CERS6: variants seen among roughly 807,000 people sequenced by gnomAD.
The protein encoded by CERS6 is ceramide synthase 6.
In CERS6, 26 loss-of-function variants were observed where a neutral mutation model predicts 56.8. That is an observed-to-expected ratio of 0.46 (90% confidence interval 0.34 to 0.63). The LOEUF is 0.63. Among genes scored for constraint, CERS6 ranks in the 30% least tolerant of loss-of-function variants. The pLI is 0.01. For missense variants in CERS6, 415 were observed against 467.5 expected (o/e 0.89, Z 1.04); for synonymous variants, 164 against 173.3 (o/e 0.95, Z 0.42).
At chr2:168,533,725 T>G (rs1438781573) in intron 1 of CERS6, among the ~76,000 whole-genome samples, 1 of 152,148 alleles carries the variant, frequency 6.6e-6, no homozygotes, top group Non-Finnish European at 1.5e-5. Context: ...ATCTTAGTGG[T>G]GTTCTCTGTA....
chr2:168,495,917 C>G (rs1694458717), intron 1 of CERS6, among the ~76,000 whole-genome samples: 1 of 152,182 alleles, frequency 6.6e-6, no homozygotes, highest in Non-Finnish European at 1.5e-5. Flanking sequence ...AAACTTAAGT[C>G]TCCATCCCCA....
intron 4 of CERS6, among the ~76,000 whole-genome samples, chr2:168,660,518 CTCTGTAAG>C (rs1685602491): frequency 6.6e-6 from 1 of 152,040 alleles, no homozygotes; most frequent in Non-Finnish European, 1.5e-5. Flanking sequence ...CTCTTCTAAA[CTCTGTAAG>C]AAATACAGAA....
chr2:168,635,650 T>C (rs1341178804), intron 4 of CERS6, among the ~76,000 whole-genome samples: 1 of 152,166 alleles, frequency 6.6e-6, no homozygotes. Context: ...TAAATCTTAT[T>C]ATAACCTATT....
At chr2:168,477,117 C>CTT (rs78491165) in intron 1 of CERS6, among the ~76,000 whole-genome samples, 8,034 of 145,646 alleles carry the variant, frequency 0.055, 327 homozygotes, top group East Asian at 0.18. Context: ...GGCTCTTTGT[C>CTT]TTTTTTTTTG....
intron 6 of CERS6, among the ~76,000 whole-genome samples, chr2:168,695,710 T>G (rs1238451616): frequency 1.3e-5 from 2 of 152,188 alleles, no homozygotes; most frequent in Non-Finnish European, 2.9e-5. Context: ...TCTACATATT[T>G]GGGTGCAACA....
chr2:168,714,741 A>G (rs536031451), intron 6 of CERS6, among the ~76,000 whole-genome samples: 22 of 152,298 alleles, frequency 1.4e-4, no homozygotes, highest in African/African-American at 5.1e-4. Flanking sequence ...AGAAGTCACC[A>G]TCTATGAACA....
intron 3 of CERS6, among the ~76,000 whole-genome samples, chr2:168,624,000 C>T (rs1559025112): frequency 6.6e-6 from 1 of 152,116 alleles, no homozygotes. Flanking sequence ...CTGTTAAGAA[C>T]AATGTCTGCT....
intron 3 of CERS6, among the ~76,000 whole-genome samples, chr2:168,628,658 T>C (rs967535291): frequency 6.6e-6 from 1 of 152,164 alleles, no homozygotes; most frequent in Admixed American, 6.5e-5. Context: ...ACGTAATCAT[T>C]TGTGGTAAAG....
intron 4 of CERS6, among the ~76,000 whole-genome samples, chr2:168,633,522 A>G (rs1684796885): frequency 6.6e-6 from 1 of 152,282 alleles, no homozygotes; most frequent in Non-Finnish European, 1.5e-5. Context: ...AGCTCTCTCC[A>G]GTTGGCAAGC....
rs148213020 is a variant in CERS6 at position 168,617,103 on chromosome 2, G to A, written c.408-13882G>A. ...AACCTTCAAAACCATGCAAATACATGGATATTAAATAACCTGCTCCTGAAT... is the reference window on the plus strand; with the variant it reads ...AACCTTCAAAACCATGCAAATACATAGATATTAAATAACCTGCTCCTGAAT... On this transcript the variant is annotated intron_variant, in intron 3 of 9. Transcript: ENST00000305747. Among the ~76,000 whole-genome samples, 766 of 152,192 alleles carry A rather than the reference G, an allele frequency of 5.0e-3. 9 individuals are homozygous for A. Among genetic ancestry groups the A allele is most frequent in the African/African-American group, 0.017 (717 of 41,506 alleles).
In CERS6 at chr2:168,655,271, A is replaced by G. The variant is rs536039780; in HGVS notation, c.465+24229A>G. 1.2e-3 allele frequency among the ~76,000 whole-genome samples: 177 copies of G among 152,178 alleles called. 1 individual carries two copies. The highest frequency in any genetic ancestry group is 2.0e-3 in the Non-Finnish European group (136 of 68,028). On this transcript the variant is annotated intron_variant, in intron 4 of 9. Coordinates refer to ENST00000305747, the MANE Select transcript of CERS6 (RefSeq NM_203463.3). ...GTATGGAGAAAGGGAATTCTAGTAC[A>G]CTGGTTTGGGAATGTAGATTGGTAC... is the stretch of plus-strand genomic sequence containing the variant.
chr2:168,469,687 G>T (rs572567242), intron 1 of CERS6, among the ~76,000 whole-genome samples: 2 of 152,028 alleles, frequency 1.3e-5, no homozygotes, highest in African/African-American at 4.8e-5. Context: ...GTCTTTTATT[G>T]GCACCATGTG....
At chr2:168,540,205 T>G (rs1695341785) in intron 1 of CERS6, among the ~76,000 whole-genome samples, 1 of 152,004 alleles carries the variant, frequency 6.6e-6, no homozygotes, top group African/African-American at 2.4e-5. Flanking sequence ...AACATTTCAG[T>G]TAATTATGGG....
At chr2:168,514,042 G>A (rs541921471) in intron 1 of CERS6, among the ~76,000 whole-genome samples, 1 of 152,138 alleles carries the variant, frequency 6.6e-6, no homozygotes, top group African/African-American at 2.4e-5. Flanking sequence ...TAAAAATTAT[G>A]GAGGAAAGGG....
At chr2:168,733,885 A>G (rs1683630469) in intron 8 of CERS6, among the ~76,000 whole-genome samples, 1 of 97,888 alleles carries the variant, frequency 1.0e-5, no homozygotes, top group Admixed American at 1.3e-4. Context: ...TCTTGAACCC[A>G]TTAGGGGGAA....
intron 3 of CERS6, among the ~76,000 whole-genome samples, chr2:168,576,481 C>A (rs1683272194): frequency 6.6e-6 from 1 of 152,156 alleles, no homozygotes; most frequent in Non-Finnish European, 1.5e-5. Context: ...ACAAATTCTC[C>A]CCATTATCTT....
At chr2:168,589,090 A>G (rs1683613642) in intron 3 of CERS6, among the ~76,000 whole-genome samples, 1 of 152,138 alleles carries the variant, frequency 6.6e-6, no homozygotes, top group Non-Finnish European at 1.5e-5. Flanking sequence ...CATCATATGG[A>G]AATTCTGTTT....
intron 3 of CERS6, among the ~76,000 whole-genome samples, chr2:168,568,530 C>A (rs909958179): frequency 6.6e-6 from 1 of 152,192 alleles, no homozygotes; most frequent in Non-Finnish European, 1.5e-5. Flanking sequence ...GACTTCAAAG[C>A]ATACCATCCA....
chr2:168,674,974 A>C (rs1686017965), intron 4 of CERS6, among the ~76,000 whole-genome samples: 1 of 151,090 alleles, frequency 6.6e-6, no homozygotes. Flanking sequence ...TTATTTATTT[A>C]TTTATTTATT....
Sources: allele counts gnomAD v4.1 joint callset (sites outside exome capture counted in the v4.1 genomes callset), GRCh38; gene constraint gnomAD v4.1.1; transcripts MANE v1.5; gene names NCBI Gene and HGNC (gene_info 2026-07-23, HGNC 2026-07-21).